Variants in GSTM3 observed in about 807,000 individuals in gnomAD.
GSTM3 encodes the protein GST class-mu 3.
GSTM3 carries 34 observed loss-of-function variants against 36.1 expected under a neutral mutation model. The ratio of observed to expected loss-of-function variants is 0.94; its 90% CI spans 0.72 to 1.25. GSTM3 has a LOEUF of 1.25. Ranked by LOEUF, GSTM3 falls within the 50% of genes most tolerant of loss-of-function variation. The pLI, the probability that GSTM3 is intolerant of heterozygous loss-of-function variation, is 0.00. For missense variants in GSTM3, 266 were observed against 281.6 expected (o/e 0.94, Z 0.40); for synonymous variants, 102 against 99.5 (o/e 1.03, Z -0.15).
chr1:109,737,132 T>G lies in GSTM3; in HGVS notation c.617A>C (p.Gln206Pro), dbSNP rs1429656435. Reference sequence around the variant, plus strand: ...GTTGTTGATGGGCATCTTGCAGAACTGATCAGACTGTAAGTAGGCAGCGAT... The same window carrying G: ...GTTGTTGATGGGCATCTTGCAGAACGGATCAGACTGTAAGTAGGCAGCGAT... ...EKIAAYLQSD[Q>P]FCKMPINNKM... Residue 206 changes from glutamine to proline, a missense_variant, in exon 9 of 9, where the codon CAG becomes CCG. Physicochemically the swap from Gln to Pro is moderately conservative, Grantham distance 76 (BLOSUM62 -1). Coordinates refer to ENST00000361066, the MANE Select transcript of GSTM3 (RefSeq NM_000849.5). The G allele has an allele frequency of 3.7e-6, 6 of 1,613,752 alleles. No individual in the cohort carries two copies. The African/African-American group carries it at 8.0e-5, about 22-fold the overall frequency.
chr1:109,739,644 C>A, intron 3 of GSTM3, 151 bp from the exon 4 acceptor site: 1 of 746,918 alleles, frequency 1.3e-6, no homozygotes, highest in Non-Finnish European at 2.3e-6. Context: ...TTTGGTTAAG[C>A]ATTAAGACGG....
At chr1:109,740,150 T>C (rs985459402) in intron 2 of GSTM3, 90 bp downstream of exon 2, 10 of 1,198,518 alleles carry the variant, frequency 8.3e-6, no homozygotes, top group Non-Finnish European at 1.2e-5. Flanking sequence ...CGCGTAGAGC[T>C]GCTCCTGCTG....
In GSTM3 at chr1:109,739,415, C is replaced by G. The variant is rs762265090; in HGVS notation, c.189+14G>C. 8 of 1,601,642 alleles carry G rather than the reference C, an allele frequency of 5.0e-6. 1 individual carries two copies. The highest frequency in any genetic ancestry group is 3.3e-4 in the Middle Eastern group (2 of 6,012). ...CTTTCCCTTCTGCCCGCCACCTCTA[C>G]TAAAGCCACTTACATTAGGAAAGTC... On this transcript the variant is annotated intron_variant, in intron 4 of 8. Coordinates refer to ENST00000361066, the MANE Select transcript of GSTM3 (RefSeq NM_000849.5).
chr1:109,738,223 G>A, intron 5 of GSTM3, 32 bp from the exon 6 acceptor site: 1 of 1,595,780 alleles, frequency 6.3e-7, no homozygotes, highest in South Asian at 1.1e-5. Flanking sequence ...ATCACCCTTG[G>A]CATCATCCAC....
rs1343947296 is a variant in GSTM3 at position 109,739,813 on chromosome 1, G to A, written c.124+20C>T. 3 of 1,532,204 alleles carry A rather than the reference G, an allele frequency of 2.0e-6. No individual in the cohort carries two copies. The highest frequency in any genetic ancestry group is 2.4e-5 in the East Asian group (1 of 40,828). 94.9% of individuals were successfully genotyped at this position (1,532,204 alleles called of 1,614,324 possible). ...GGTGGAGGGCCAGCTTGGCTGCACGGGCACGCGGAGCGGCATTACCTTCCC... is the reference window on the plus strand; with the variant it reads ...GGTGGAGGGCCAGCTTGGCTGCACGAGCACGCGGAGCGGCATTACCTTCCC... On this transcript the variant is annotated intron_variant, in intron 3 of 8. Transcript: ENST00000361066.
intron 1 of GSTM3, among the ~76,000 whole-genome samples, 182 bp downstream of exon 1, chr1:109,740,771 C>T (rs1275268020): frequency 6.6e-6 from 1 of 152,186 alleles, no homozygotes; most frequent in Non-Finnish European, 1.5e-5. Context: ...TCCCCACAGA[C>T]CAAGCTCCCC....
Position 109,740,415 on chromosome 1 carries a change from T to TGCCTCC in GSTM3, c.-134_-129dup. 1.3e-6 allele frequency: 1 copy of TGCCTCC among 784,662 alleles called. No homozygotes were observed. Among genetic ancestry groups the TGCCTCC allele is most frequent in the Non-Finnish European group, 2.1e-6 (1 of 482,552 alleles). The allele number at this position is 784,662 out of a possible 1,614,324, so 48.6% of individuals were successfully genotyped here. The stretch of plus-strand genomic sequence containing the variant: ...CGCCTCCGCCCCGTTCTCCGTCCCT[T>TGCCTCC]GCCTCCGCGGCTCCACAGGGCCGTG... On this transcript the variant is annotated 5_prime_UTR_variant, in exon 2 of 9. Coordinates refer to ENST00000361066, the MANE Select transcript of GSTM3 (RefSeq NM_000849.5).
Position 109,737,436 on chromosome 1 carries a change from GA to G in GSTM3, c.579+20del. ...GGAGCCTGTGAGTGTTTTTATAAGA[GA>G]AAGGTGCAGGAAACGTCACCTCAAA... On this transcript the variant is annotated intron_variant, in intron 8 of 8. Coordinates refer to ENST00000361066, the MANE Select transcript of GSTM3 (RefSeq NM_000849.5). 6.9e-7 allele frequency: 1 copy of G among 1,441,840 alleles called. No individual in the cohort carries two copies. Among genetic ancestry groups the G allele is most frequent in the Non-Finnish European group, 9.8e-7 (1 of 1,022,572 alleles). The allele number at this position is 1,441,840 out of a possible 1,614,324, so 89.3% of individuals were successfully genotyped here.
Position 109,740,354 on chromosome 1 carries a change from TA to T in GSTM3, c.-68del. 1 of 1,421,312 alleles carries T rather than the reference TA, an allele frequency of 7.0e-7. No homozygotes were observed. The highest frequency in any genetic ancestry group is 1.9e-5 in the Admixed American group (1 of 53,490). The allele number at this position is 1,421,312 out of a possible 1,614,324, so 88.0% of individuals were successfully genotyped here. A position where few individuals can be genotyped will look rare whatever the true frequency, so the allele number is the denominator to read the frequency against. On this transcript the variant is annotated 5_prime_UTR_variant, in exon 2 of 9. Coordinates refer to ENST00000361066, the MANE Select transcript of GSTM3 (RefSeq NM_000849.5). Reference sequence around the variant, plus strand: ...AGCGGGAGGGGCTTTATACCCGACATAAGGGGGCGGGGCCCACGCGCGGGCG... The same window carrying T: ...AGCGGGAGGGGCTTTATACCCGACATAGGGGGCGGGGCCCACGCGCGGGCG...
At chr1:109,739,801 C>G in intron 3 of GSTM3, 32 bp downstream of exon 3, 1 of 1,506,498 alleles carries the variant, frequency 6.6e-7, no homozygotes. Flanking sequence ...GGAGGGCCAG[C>G]TTGGCTGCAC....
Position 109,737,015 on chromosome 1 carries a change from G to T in GSTM3, c.*56C>A. On this transcript the variant is annotated 3_prime_UTR_variant, in exon 9 of 9. Coordinates refer to ENST00000361066, the MANE Select transcript of GSTM3 (RefSeq NM_000849.5). ...TCATTGAAAAGAGCAAAGCAAGAGC[G>T]CTGACCCCTTACGGACAGGATGAAA... The T allele has an allele frequency of 9.5e-7, 1 of 1,047,168 alleles. No individual in the cohort carries two copies. The highest frequency in any genetic ancestry group is 1.5e-6 in the Non-Finnish European group (1 of 667,054). The allele number at this position is 1,047,168 out of a possible 1,614,324, so 64.9% of individuals were successfully genotyped here. A position where few individuals can be genotyped will look rare whatever the true frequency, so the allele number is the denominator to read the frequency against.
chr1:109,739,975 T>G, intron 2 of GSTM3, 67 bp from the exon 3 acceptor site: 1 of 1,298,698 alleles, frequency 7.7e-7, no homozygotes, highest in Non-Finnish European at 1.1e-6. Context: ...CCGCTAACGT[T>G]CCCCGGCCCG....
intron 1 of GSTM3, 39 bp from the exon 2 acceptor site, chr1:109,740,550 C>T (rs1054722449): frequency 1.1e-5 from 6 of 526,406 alleles, no homozygotes; most frequent in South Asian, 4.6e-5. Context: ...AGGCTCCTCC[C>T]TTCCCCGCGG....
At chr1:109,740,064 C>T (rs1570664904) in intron 2 of GSTM3, 156 bp from the exon 3 acceptor site, 2 of 875,794 alleles carry the variant, frequency 2.3e-6, no homozygotes, top group Non-Finnish European at 3.6e-6. Context: ...TCTCCTCCGC[C>T]CCTCCCCACA....
At position 109,740,453 on chromosome 1, in the gene GSTM3, T is replaced by G; in HGVS notation, c.-166A>C. On this transcript the variant is annotated 5_prime_UTR_variant, in exon 2 of 9. The change abolishes the stop of an existing upstream ORF in the 5' untranslated region. Coordinates refer to ENST00000361066, the MANE Select transcript of GSTM3 (RefSeq NM_000849.5). ...CCACAGGGCCGTGCGCAGGCGCGAC[T>G]AATGCCGGCGTTGGGGTTCAGGGCC... 1 of 630,584 alleles carries G rather than the reference T, an allele frequency of 1.6e-6. No individual in the cohort carries two copies. The highest frequency in any genetic ancestry group is 2.8e-5 in the East Asian group (1 of 35,106). The allele number at this position is 630,584 out of a possible 1,614,324, so 39.1% of individuals were successfully genotyped here.
At chr1:109,739,962 C>A (rs1184979459) in intron 2 of GSTM3, 54 bp from the exon 3 acceptor site, 3 of 1,356,050 alleles carry the variant, frequency 2.2e-6, no homozygotes, top group Non-Finnish European at 3.1e-6. Flanking sequence ...TCCCAACCCC[C>A]GCCCGCTAAC....
At chr1:109,740,021 G>A (rs2101353909) in intron 2 of GSTM3, 113 bp from the exon 3 acceptor site, 2 of 988,436 alleles carry the variant, frequency 2.0e-6, no homozygotes, top group Non-Finnish European at 1.5e-6. Flanking sequence ...CGGGGCGGTG[G>A]TTAAGCGGCC....
Position 109,736,718 on chromosome 1 carries a change from T to C in GSTM3, c.*353A>G, listed in dbSNP as rs56333131. The C allele has an allele frequency of 7.6e-4, 158 of 207,140 alleles. No individual in the cohort carries two copies. Among genetic ancestry groups the C allele is most frequent in the African/African-American group, 3.6e-3 (152 of 42,808 alleles). 12.8% of individuals were successfully genotyped at this position (207,140 alleles called of 1,614,324 possible). The stretch of plus-strand genomic sequence containing the variant: ...CCGGTTAAGTCCATCAGTACCACAG[T>C]TTTACTTGTGTTATCCTCACCCAGT... On this transcript the variant is annotated 3_prime_UTR_variant, in exon 9 of 9. Transcript: ENST00000361066.
intron 2 of GSTM3, 31 bp from the exon 3 acceptor site, chr1:109,739,939 A>G (rs765548568): frequency 1.5e-5 from 23 of 1,504,548 alleles, no homozygotes; most frequent in South Asian, 1.2e-4. Context: ...GCGACTGCGC[A>G]GCTCCCACCC....
Sources: gnomAD v4.1 joint callset for allele counts (sites outside exome capture counted in the v4.1 genomes callset) on GRCh38, gnomAD v4.1.1 for gene constraint, MANE v1.5 for transcripts, NCBI Gene and HGNC (gene_info 2026-07-23, HGNC 2026-07-21) for gene names.